The following PPIC variants were observed in gnomAD, a reference collection of about 807,000 sequenced individuals.
PPIC encodes the protein peptidyl-prolyl cis-trans isomerase C.
In PPIC, 19 loss-of-function variants were observed where a neutral mutation model predicts 19.5. The ratio of observed to expected loss-of-function variants is 0.98; its 90% confidence interval spans 0.68 to 1.43. The LOEUF is 1.43. Among genes scored for constraint, PPIC ranks in the 40% most tolerant of loss-of-function variants. The probability of loss-of-function intolerance (pLI) is 0.00; values close to 1 mark genes in which losing one functional copy is unlikely to be tolerated. For missense variants in PPIC, 268 were observed against 268.6 expected (o/e 1.00, Z 0.02); for synonymous variants, 107 against 101.2 (o/e 1.06, Z -0.34).
In PPIC at chr5:123,029,408, T is replaced by C. The variant is rs371256743; in HGVS notation, c.128A>G (p.Asp43Gly). ...AACATCTTTGTCTCCAATCCTCACATCAAAGAAGACCTGTGTGCAGTTGAA... is the reference window on the plus strand; with the variant it reads ...AACATCTTTGTCTCCAATCCTCACACCAAAGAAGACCTGTGTGCAGTTGAA... ...GPSVTAKVFF[D>G]VRIGDKDVGR... Residue 43 changes from aspartate to glycine, a missense_variant, in exon 2 of 5, where the codon GAT becomes GGT. Transcript: ENST00000306442. 128 of 1,599,018 alleles carry C rather than the reference T, an allele frequency of 8.0e-5. 2 individuals carry two copies. The Admixed American group carries it at 2.2e-3, about 27-fold the overall frequency.
At chr5:123,035,870 G>A (rs1763001186) in intron 1 of PPIC, among the ~76,000 whole-genome samples, 1 of 151,886 alleles carries the variant, frequency 6.6e-6, no homozygotes, top group African/African-American at 2.4e-5. Context: ...CAGGTCTACA[G>A]GTGCCGCCTT....
intron 2 of PPIC, 39 bp downstream of exon 2, chr5:123,029,266 A>G: frequency 6.2e-7 from 1 of 1,613,926 alleles, no homozygotes; most frequent in Non-Finnish European, 8.5e-7. Flanking sequence ...GCTTCAAAGA[A>G]AGAAGACCCA....
Position 123,036,634 on chromosome 5 carries a change from G to A in PPIC, c.-9C>T, listed in dbSNP as rs759456366. 8 of 1,574,322 alleles carry A rather than the reference G, an allele frequency of 5.1e-6. No individual in the cohort carries two copies. In the South Asian group the frequency reaches 7.0e-5, roughly 14 times the overall value. ...CGAGGACCCGGGCCCATGGTGAGCG[G>A]TGGCAGCGGCGCTACCGGCACGGGC... On this transcript the variant is annotated 5_prime_UTR_variant, in exon 1 of 5. Transcript: ENST00000306442. This position sits in a 1 kb window ranked among gnomAD's most constrained non-coding sequence, Gnocchi z 4.5.
In PPIC at chr5:123,023,575, C is replaced by T. The variant is rs1762795442; in HGVS notation, c.*300G>A. 1 of 193,778 alleles carries T rather than the reference C, an allele frequency of 5.2e-6. No individual in the cohort carries two copies. The highest frequency in any genetic ancestry group is 1.1e-5 in the Non-Finnish European group (1 of 94,762). The allele number at this position is 193,778 out of a possible 1,614,324, so 12.0% of individuals were successfully genotyped here. On this transcript the variant is annotated 3_prime_UTR_variant, in exon 5 of 5. Coordinates refer to ENST00000306442, the MANE Select transcript of PPIC (RefSeq NM_000943.5). ...CCCAATATGGGGATCATAATGAATT[C>T]AGAAAAAAAATATTGCATTAAAAAA...
In PPIC at chr5:123,025,939, CT is replaced by C; in HGVS notation, c.354del (p.Asp119MetfsTer6). The C allele has an allele frequency of 6.2e-6, 10 of 1,607,636 alleles. No homozygotes were observed. Among genetic ancestry groups the C allele is most frequent in the Non-Finnish European group, 8.5e-6 (10 of 1,177,850 alleles). ...GGVSIYGETF[P>X]DENFKLKHYG... ...TAGTGCTTCAGCTTGAAGTTCTCATCTGGAAATGTCTCACCATAGATGCTCA... is the reference window on the plus strand; with the variant it reads ...TAGTGCTTCAGCTTGAAGTTCTCATCGGAAATGTCTCACCATAGATGCTCA... On this transcript the variant is annotated frameshift_variant, in exon 4 of 5. Transcript: ENST00000306442. LOFTEE classifies it high-confidence loss of function.
chr5:123,032,836 T>C (rs1370356176), intron 1 of PPIC, among the ~76,000 whole-genome samples: 3 of 152,118 alleles, frequency 2.0e-5, no homozygotes, highest in African/African-American at 4.8e-5. Context: ...AAAGGTGATA[T>C]TGGATTCCAT....
At chr5:123,025,071 C>T (rs1176145704) in intron 4 of PPIC, among the ~76,000 whole-genome samples, 1 of 152,142 alleles carries the variant, frequency 6.6e-6, no homozygotes, top group Non-Finnish European at 1.5e-5. Context: ...GTGAATGTGA[C>T]CTAGGTGTCT....
chr5:123,026,052 A>T (rs1762848481), intron 3 of PPIC, 84 bp from the exon 4 acceptor site: 1 of 1,183,530 alleles, frequency 8.4e-7, no homozygotes, highest in African/African-American at 1.6e-5. Flanking sequence ...TAGAGGAATC[A>T]ATTACTAGAA....
rs1405292961 is a variant in PPIC at position 123,025,833 on chromosome 5, G to C, written c.461C>G (p.Thr154Ser). The C allele has an allele frequency of 1.9e-6, 3 of 1,613,896 alleles. No homozygotes were observed. The highest frequency in any genetic ancestry group is 4.5e-5 in the East Asian group (2 of 44,892). Residue 154 changes from threonine (T) to serine (S), a missense_variant, in exon 4 of 5, where the codon ACC (threonine) becomes AGC (serine). By Grantham distance (58) the Thr-to-Ser change is moderately conservative. Coordinates refer to ENST00000306442, the MANE Select transcript of PPIC (RefSeq NM_000943.5). ...CACCACATGTTTGCCGTCCAACCAG[G>C]TGGGCTTGGTCAAGGTGATAAAGAA... ...SQFFITLTKPTWLDGKHVVFG... is the reference protein window; with the variant it reads ...SQFFITLTKPSWLDGKHVVFG...
In PPIC at chr5:123,025,939, C is replaced by A; in HGVS notation, c.355G>T (p.Asp119Tyr). 1 of 1,607,636 alleles carries A rather than the reference C, an allele frequency of 6.2e-7. No individual in the cohort carries two copies. The highest frequency in any genetic ancestry group is 8.5e-7 in the Non-Finnish European group (1 of 1,177,850). Residue 119 changes from aspartate to tyrosine, a missense_variant, in exon 4 of 5, where the codon GAT (aspartate) becomes TAT (tyrosine). By Grantham distance (160) the Asp-to-Tyr change is radical. Coordinates refer to ENST00000306442, the MANE Select transcript of PPIC (RefSeq NM_000943.5). The stretch of plus-strand genomic sequence containing the variant: ...TAGTGCTTCAGCTTGAAGTTCTCAT[C>A]TGGAAATGTCTCACCATAGATGCTC... Reference protein sequence around the residue: ...GVSIYGETFPDENFKLKHYGI... With the variant: ...GVSIYGETFPYENFKLKHYGI...
chr5:123,027,976 T>C (rs916582393), intron 3 of PPIC, among the ~76,000 whole-genome samples: 11 of 152,254 alleles, frequency 7.2e-5, no homozygotes, highest in Non-Finnish European at 4.4e-5. Flanking sequence ...CTCTACTTTA[T>C]TGAACTCCAA....
In PPIC at chr5:123,023,807, AACACACACAC is replaced by A. The variant is rs70988555; in HGVS notation, c.*58_*67del. 1.7e-4 allele frequency: 221 copies of A among 1,294,936 alleles called. 1 individual carries two copies. Among genetic ancestry groups the A allele is most frequent in the Admixed American group, 2.3e-4 (9 of 38,426 alleles). The allele number at this position is 1,294,936 out of a possible 1,614,324, so 80.2% of individuals were successfully genotyped here. ...AAAGCAAATAATTGAAAGACAACAC[AACACACACAC>A]ACACACACACACACACACACCCCTG... On this transcript the variant is annotated 3_prime_UTR_variant, in exon 5 of 5. Transcript: ENST00000306442.
chr5:123,028,698 A>G lies in PPIC; in HGVS notation c.325+77T>C, dbSNP rs1762898297. On this transcript the variant is annotated intron_variant, in intron 3 of 4. Coordinates refer to ENST00000306442, the MANE Select transcript of PPIC (RefSeq NM_000943.5). ...CTGTGTTCCTTAGCTCTGGATTTCA[A>G]CAGACTGGGTTCATATACTGGCTTA... 4 of 1,194,450 alleles carry G rather than the reference A, an allele frequency of 3.3e-6. No individual in the cohort carries two copies. In the South Asian group the frequency reaches 4.3e-5, roughly 13 times the overall value. The allele number at this position is 1,194,450 out of a possible 1,614,324, so 74.0% of individuals were successfully genotyped here. A position where few individuals can be genotyped will look rare whatever the true frequency, so the allele number is the denominator to read the frequency against.
In PPIC at chr5:123,023,834, A is replaced by ACACACACC; in HGVS notation, c.*40_*41insGGTGTGTG. The stretch of plus-strand genomic sequence containing the variant: ...CACACACACACACACACACACACAC[A>ACACACACC]CACCCCTGCCAAAGCATATCCTTGT... On this transcript the variant is annotated 3_prime_UTR_variant, in exon 5 of 5. Transcript: ENST00000306442. 1 of 1,606,958 alleles carries ACACACACC rather than the reference A, an allele frequency of 6.2e-7. No homozygotes were observed. The highest frequency in any genetic ancestry group is 8.5e-7 in the Non-Finnish European group (1 of 1,176,732).
At chr5:123,030,084 C>G (rs144819829) in intron 1 of PPIC, among the ~76,000 whole-genome samples, 4 of 152,282 alleles carry the variant, frequency 2.6e-5, no homozygotes, top group African/African-American at 9.6e-5. Context: ...CTGACAAAGC[C>G]GTCACCCTGT....
chr5:123,035,293 G>C (rs866391104), intron 1 of PPIC, among the ~76,000 whole-genome samples: 2 of 152,062 alleles, frequency 1.3e-5, no homozygotes, highest in African/African-American at 4.8e-5. Context: ...TTTCATAATT[G>C]TGCGAATTTT....
chr5:123,023,835 CA>C lies in PPIC; in HGVS notation c.*39del. 1.9e-6 allele frequency: 3 copies of C among 1,608,166 alleles called. No homozygotes were observed. Among genetic ancestry groups the C allele is most frequent in the Middle Eastern group, 1.9e-4 (1 of 5,396 alleles). ...ACACACACACACACACACACACACA[CA>C]CCCCTGCCAAAGCATATCCTTGTTT... is the stretch of plus-strand genomic sequence containing the variant. On this transcript the variant is annotated 3_prime_UTR_variant, in exon 5 of 5. Transcript: ENST00000306442.
At chr5:123,028,964 AC>A in intron 2 of PPIC, 96 bp from the exon 3 acceptor site, 1 of 1,096,036 alleles carries the variant, frequency 9.1e-7, no homozygotes, top group Non-Finnish European at 1.3e-6. Flanking sequence ...AGAAAATTAA[AC>A]AAAATGCCTA....
chr5:123,028,153 G>C (rs1231089670), intron 3 of PPIC, among the ~76,000 whole-genome samples: 1 of 152,184 alleles, frequency 6.6e-6, no homozygotes, highest in Non-Finnish European at 1.5e-5. Context: ...CAGTCCTCCT[G>C]TTCCCAAGTT....
Sources: allele counts gnomAD v4.1 joint callset (sites outside exome capture counted in the v4.1 genomes callset), GRCh38; gene constraint gnomAD v4.1.1; non-coding constraint Gnocchi (gnomAD v3.1); transcripts MANE v1.5; gene names NCBI Gene and HGNC (gene_info 2026-07-23, HGNC 2026-07-21).